SKIC2: variants seen among roughly 807,000 people sequenced by gnomAD.
SKIC2 encodes the protein superkiller complex protein 2.
chr6:31,968,815 G>T, the SKIC2 span: 1 of 1,609,350 alleles, frequency 6.2e-7, no homozygotes, highest in South Asian at 1.1e-5. This position sits in a 1 kb window ranked among gnomAD's most constrained non-coding sequence, Gnocchi z 6.1. Flanking sequence ...GGCAGTGGTT[G>T]GGGCAGGGGG....
the SKIC2 span, chr6:31,967,189 GATCGTGTTACTCTA>G: frequency 6.2e-7 from 1 of 1,607,768 alleles, no homozygotes; most frequent in Admixed American, 1.7e-5. This position sits in a 1 kb window ranked among gnomAD's most constrained non-coding sequence, Gnocchi z 4.9. Context: ...GGGAAGAGAA[GATCGTGTTACTCTA>G]GGTGCTACTA....
the SKIC2 span, chr6:31,961,477 C>G: frequency 2.0e-6 from 3 of 1,537,636 alleles, no homozygotes; most frequent in Non-Finnish European, 2.6e-6. Flanking sequence ...AAAGGGACAT[C>G]TTTTGGGAGG....
At chr6:31,959,205 G>C in the SKIC2 span, 1 of 1,609,420 alleles carries the variant, frequency 6.2e-7, no homozygotes, top group Non-Finnish European at 8.5e-7. Context: ...GATGGAGACA[G>C]AGCGACTTGG....
the SKIC2 span, chr6:31,962,371 C>T: frequency 6.4e-7 from 1 of 1,553,126 alleles, no homozygotes; most frequent in African/African-American, 1.4e-5. This position sits in a 1 kb window ranked among gnomAD's most constrained non-coding sequence, Gnocchi z 5.0. Flanking sequence ...ACGAGGGCTC[C>T]ATGTGGGAGA....
At chr6:31,960,858 C>G in the SKIC2 span, 2 of 931,802 alleles carry the variant, frequency 2.1e-6, no homozygotes, top group South Asian at 3.1e-5. Context: ...TCCATAACAA[C>G]CTTTACTGTC....
the SKIC2 span, chr6:31,963,010 T>A: frequency 1.9e-6 from 3 of 1,612,564 alleles, no homozygotes; most frequent in Non-Finnish European, 2.5e-6. The surrounding 1 kb of genome is among the most constrained non-coding windows in gnomAD (Gnocchi z 5.3). Context: ...GAGGAGGTGC[T>A]TATCATGCTA....
chr6:31,961,291 G>C, the SKIC2 span: 1 of 1,606,966 alleles, frequency 6.2e-7, no homozygotes, highest in African/African-American at 1.3e-5. Context: ...TGAGGCAGTG[G>C]GACAGCCAGG....
the SKIC2 span, chr6:31,960,272 CCA>C: frequency 6.2e-7 from 1 of 1,613,098 alleles, no homozygotes; most frequent in African/African-American, 1.3e-5. Flanking sequence ...CCTGGGAGCC[CCA>C]GTCCCATCCG....
the SKIC2 span, chr6:31,963,517 T>C: frequency 1.2e-6 from 2 of 1,605,736 alleles, no homozygotes; most frequent in Non-Finnish European, 1.7e-6. This position sits in a 1 kb window ranked among gnomAD's most constrained non-coding sequence, Gnocchi z 5.3. Context: ...CAGGGGGAGC[T>C]CTTTTTGTTG....
At chr6:31,963,478 A>G in the SKIC2 span, 63 of 1,612,174 alleles carry the variant, frequency 3.9e-5, no homozygotes, top group South Asian at 5.5e-5. This position sits in a 1 kb window ranked among gnomAD's most constrained non-coding sequence, Gnocchi z 5.3. Context: ...CTGGAGCACT[A>G]TCTTTTCACA....
the SKIC2 span, chr6:31,964,185 G>A: frequency 2.7e-5 from 43 of 1,607,668 alleles, no homozygotes; most frequent in African/African-American, 5.3e-4. The surrounding 1 kb of genome is among the most constrained non-coding windows in gnomAD (Gnocchi z 5.0). Flanking sequence ...GTGGGGATAG[G>A]GTGTTCCGAG....
the SKIC2 span, chr6:31,966,601 G>A: frequency 8.5e-7 from 1 of 1,171,962 alleles, no homozygotes; most frequent in African/African-American, 1.5e-5. This position sits in a 1 kb window ranked among gnomAD's most constrained non-coding sequence, Gnocchi z 5.9. Context: ...AGGCCCCATG[G>A]TTGCAGAGCT....
chr6:31,959,227 G>C, the SKIC2 span: 2 of 1,608,632 alleles, frequency 1.2e-6, no homozygotes, highest in Non-Finnish European at 1.7e-6. Flanking sequence ...GAGGGGGAGG[G>C]GAGGGAAATG....
chr6:31,962,073 A>G, the SKIC2 span: 1 of 1,608,870 alleles, frequency 6.2e-7, no homozygotes, highest in South Asian at 1.1e-5. This position sits in a 1 kb window ranked among gnomAD's most constrained non-coding sequence, Gnocchi z 5.0. Context: ...TCCTTTGCCA[A>G]CCTCCCCCTT....
At chr6:31,969,265 CCTT>C in the SKIC2 span, 13 of 1,613,938 alleles carry the variant, frequency 8.1e-6, no homozygotes, top group African/African-American at 2.7e-5. The surrounding 1 kb of genome is among the most constrained non-coding windows in gnomAD (Gnocchi z 6.1). Context: ...CTTAACCTCT[CCTT>C]CTTTCCTGCA....
At chr6:31,967,324 G>T in the SKIC2 span, 1 of 1,613,060 alleles carries the variant, frequency 6.2e-7, no homozygotes, top group Non-Finnish European at 8.5e-7. This position sits in a 1 kb window ranked among gnomAD's most constrained non-coding sequence, Gnocchi z 4.9. Flanking sequence ...AGCAGGAAGG[G>T]TGGTGGTTGT....
the SKIC2 span, chr6:31,962,629 A>G: frequency 6.2e-7 from 1 of 1,609,148 alleles, no homozygotes; most frequent in Non-Finnish European, 8.5e-7. The surrounding 1 kb of genome is among the most constrained non-coding windows in gnomAD (Gnocchi z 5.0). Context: ...GGCTGGGAAG[A>G]TGTGGCCGTT....
chr6:31,966,847 G>A, the SKIC2 span: 1 of 1,614,192 alleles, frequency 6.2e-7, no homozygotes, highest in Non-Finnish European at 8.5e-7. This position sits in a 1 kb window ranked among gnomAD's most constrained non-coding sequence, Gnocchi z 5.9. Flanking sequence ...AGACAGCAAG[G>A]TAAGGAGCCT....
At chr6:31,962,930 G>A in the SKIC2 span, 2 of 1,430,476 alleles carry the variant, frequency 1.4e-6, no homozygotes, top group Admixed American at 1.7e-5. This position sits in a 1 kb window ranked among gnomAD's most constrained non-coding sequence, Gnocchi z 5.0. Flanking sequence ...GCCTCTTTAT[G>A]GGCAGAAGGG....
Sources: gnomAD v4.1 joint callset for allele counts on GRCh38, gnomAD v4.1.1 for gene constraint, Gnocchi (gnomAD v3.1) non-coding constraint, MANE v1.5 for transcripts, NCBI Gene and HGNC (gene_info 2026-07-23, HGNC 2026-07-21) for gene names.